DERPC: variants seen among roughly 807,000 people sequenced by gnomAD.
DERPC encodes the protein decreased expression in renal and prostate cancer protein.
A neutral mutation model predicts 7.2 loss-of-function variants in DERPC; 1 was observed. That is an observed-to-expected ratio of 0.14 (90% CI 0.05 to 0.66). The LOEUF is 0.66. DERPC is among the 30% of genes least tolerant of loss of function. The pLI is 0.84. For synonymous variants in DERPC, 185 were observed against 117.6 expected, an observed-to-expected ratio of 1.57 and a Z score of -3.71; for missense variants, 502 against 299.4, an observed-to-expected ratio of 1.68 and a Z score of -4.99.
chr16:69,123,441 G>T (rs964648453), intron 1 of DERPC, among the ~76,000 whole-genome samples: 1 of 152,118 alleles, frequency 6.6e-6, no homozygotes, highest in Non-Finnish European at 1.5e-5. Flanking sequence ...TGGGTCACTT[G>T]ATGTCAGGAG....
intron 2 of DERPC, 38 bp downstream of exon 2, chr16:69,121,398 A>G (rs2152267020): frequency 1.3e-6 from 2 of 1,580,544 alleles, no homozygotes; most frequent in East Asian, 2.2e-5. Flanking sequence ...AGCCCTCATC[A>G]TTTCAAGCCA....
chr16:69,118,719 AG>A lies in DERPC; in HGVS notation c.*134del. On this transcript the variant is annotated 3_prime_UTR_variant, in exon 3 of 3. Transcript: ENST00000519520. ...CAGTCAAGAAAAACGCAAAGGAAAAAGATGGCTCATTTGAACTTGAGCCCAA... is the reference window on the plus strand; with the variant it reads ...CAGTCAAGAAAAACGCAAAGGAAAAAATGGCTCATTTGAACTTGAGCCCAA... 1.5e-6 allele frequency: 1 copy of A among 645,714 alleles called. No homozygotes were observed. The allele number at this position is 645,714 out of a possible 1,614,324, so 40.0% of individuals were successfully genotyped here.
chr16:69,125,196 G>A (rs531720535), intron 1 of DERPC, among the ~76,000 whole-genome samples: 8 of 152,120 alleles, frequency 5.3e-5, no homozygotes, highest in South Asian at 4.2e-4. Flanking sequence ...GAGTCATTGC[G>A]CCCGGCCAAC....
chr16:69,119,621 G>C lies in DERPC; in HGVS notation c.808C>G (p.Pro270Ala), dbSNP rs199824719. 1 of 692,108 alleles carries C rather than the reference G, an allele frequency of 1.4e-6. No homozygotes were observed. The highest frequency in any genetic ancestry group is 2.7e-5 in the East Asian group (1 of 37,092). 42.9% of individuals were successfully genotyped at this position (692,108 alleles called of 1,614,324 possible). A position where few individuals can be genotyped will look rare whatever the true frequency, so the allele number is the denominator to read the frequency against. ...ATGGGGGCAAGATCGAGGCCTTGAGGTCCAGCCATTCTTAAGTTAAGACCA... is the reference window on the plus strand; with the variant it reads ...ATGGGGGCAAGATCGAGGCCTTGAGCTCCAGCCATTCTTAAGTTAAGACCA... The part of the protein sequence containing the change: ...GSGLNLRMAG[P>A]QGLDLAPILR... The change falls in exon 3 of 3, where the codon CCT becomes GCT. Residue 270 changes from proline (P) to alanine (A), a missense_variant. Transcript: ENST00000519520.
Position 69,118,616 on chromosome 16 carries a change from G to A in DERPC, c.*238C>T. On this transcript the variant is annotated 3_prime_UTR_variant, in exon 3 of 3. Coordinates refer to ENST00000519520, the MANE Select transcript of DERPC (RefSeq NM_001002847.4). ...ACGAAAGCACAGCAGGCTTCTGGGAGGCTGGAGATCCTTTCTCTCAAGGGC... is the reference window on the plus strand; with the variant it reads ...ACGAAAGCACAGCAGGCTTCTGGGAAGCTGGAGATCCTTTCTCTCAAGGGC... 1.4e-6 allele frequency: 1 copy of A among 707,262 alleles called. No individual in the cohort carries two copies. Among genetic ancestry groups the A allele is most frequent in the South Asian group, 1.5e-5 (1 of 67,566 alleles). The allele number at this position is 707,262 out of a possible 1,614,324, so 43.8% of individuals were successfully genotyped here.
At chr16:69,130,195 A>G (rs1962395521) in intron 1 of DERPC, among the ~76,000 whole-genome samples, 1 of 152,260 alleles carries the variant, frequency 6.6e-6, no homozygotes, top group Non-Finnish European at 1.5e-5. Context: ...AAAGTGTGAT[A>G]TGTATCCAAT....
In DERPC at chr16:69,119,422, C is replaced by G. The variant is rs960380567; in HGVS notation, c.1007G>C (p.Arg336Thr). The G allele has an allele frequency of 1.4e-6, 1 of 702,936 alleles. No homozygotes were observed. Among genetic ancestry groups the G allele is most frequent in the Admixed American group, 2.0e-5 (1 of 50,004 alleles). 43.5% of individuals were successfully genotyped at this position (702,936 alleles called of 1,614,324 possible). A position where few individuals can be genotyped will look rare whatever the true frequency, so the allele number is the denominator to read the frequency against. The part of the protein sequence containing the change: ...LPGPNPSPMS[R>T]APGPIGPNSA... ...ATTAGGGCCTATGGGGCCAGGAGCC[C>G]TTGACATGGGAGATGGATTTGGCCC... Residue 336 changes from arginine (R) to threonine (T), a missense_variant, in exon 3 of 3, where the codon AGG becomes ACG. Coordinates refer to ENST00000519520, the MANE Select transcript of DERPC (RefSeq NM_001002847.4).
chr16:69,132,061 C>G lies in DERPC; in HGVS notation c.-280+423G>C, dbSNP rs1165810434. The G allele has an allele frequency of 3.2e-5, 5 of 153,868 alleles. No homozygotes were observed. The Admixed American group carries it at 3.3e-4, about 10-fold the overall frequency. 9.5% of individuals were successfully genotyped at this position (153,868 alleles called of 1,614,324 possible). On this transcript the variant is annotated intron_variant, in intron 1 of 2. Coordinates refer to ENST00000519520, the MANE Select transcript of DERPC (RefSeq NM_001002847.4). Reference sequence around the variant, plus strand: ...ATAGCGGGCTGGGCTCCCTCCCAACCCCGGGAAGAGCCCCTTCCCGCACGT... The same window carrying G: ...ATAGCGGGCTGGGCTCCCTCCCAACGCCGGGAAGAGCCCCTTCCCGCACGT...
At chr16:69,130,501 T>A (rs549573230) in intron 1 of DERPC, among the ~76,000 whole-genome samples, 1 of 152,238 alleles carries the variant, frequency 6.6e-6, no homozygotes, top group African/African-American at 2.4e-5. Context: ...TTTACGAATA[T>A]AGTGAAGCAC....
chr16:69,120,109 G>A lies in DERPC; in HGVS notation c.320C>T (p.Thr107Ile). 1.4e-6 allele frequency: 1 copy of A among 700,822 alleles called. No homozygotes were observed. Among genetic ancestry groups the A allele is most frequent in the South Asian group, 1.5e-5 (1 of 67,530 alleles). The allele number at this position is 700,822 out of a possible 1,614,324, so 43.4% of individuals were successfully genotyped here. ...AGGCCTTGGGAAAGAAACTGCACCT[G>A]TGCCAGTGGGATTCATCCCTCTTGG... ...SFPRGMNPTG[T>I]GAVSFPRPGG... is the part of the protein sequence containing the mutation. The change falls in exon 3 of 3, where the codon ACA becomes ATA. Residue 107 changes from threonine to isoleucine, a missense_variant. Coordinates refer to ENST00000519520, the MANE Select transcript of DERPC (RefSeq NM_001002847.4). The surrounding 1 kb of genome is among the most constrained non-coding windows in gnomAD (Gnocchi z 4.0).
chr16:69,132,523 C>A lies in DERPC; in HGVS notation c.-319G>T, dbSNP rs1442164469. ...GCCGAGCGCGGCGCCGCGCGGCCAA[C>A]GGGCGACAACCGAACCTCCCGCCGC... is the stretch of plus-strand genomic sequence containing the variant. On this transcript the variant is annotated 5_prime_UTR_variant, in exon 1 of 3. Coordinates refer to ENST00000519520, the MANE Select transcript of DERPC (RefSeq NM_001002847.4). 3.3e-6 allele frequency: 1 copy of A among 305,438 alleles called. No homozygotes were observed. Among genetic ancestry groups the A allele is most frequent in the Non-Finnish European group, 6.3e-6 (1 of 158,046 alleles). The allele number at this position is 305,438 out of a possible 1,614,324, so 18.9% of individuals were successfully genotyped here.
In DERPC at chr16:69,119,074, G is replaced by A. The variant is rs759384794; in HGVS notation, c.1355C>T (p.Ser452Phe). Residue 452 changes from serine (S) to phenylalanine (F), a missense_variant, in exon 3 of 3, where the codon TCT (serine) becomes TTT (phenylalanine). Coordinates refer to ENST00000519520, the MANE Select transcript of DERPC (RefSeq NM_001002847.4). ...GTTGATACCCACAGGGCCAGCTGGA[G>A]AAGGGCCCAGATGCCCGGCAGCTGG... ...PRPAAGHLGP[S>F]PAGPVGINPA... 1.4e-6 allele frequency: 1 copy of A among 703,060 alleles called. No individual in the cohort carries two copies. Among genetic ancestry groups the A allele is most frequent in the Admixed American group, 2.0e-5 (1 of 50,026 alleles). 43.6% of individuals were successfully genotyped at this position (703,060 alleles called of 1,614,324 possible). A position where few individuals can be genotyped will look rare whatever the true frequency, so the allele number is the denominator to read the frequency against.
Position 69,120,914 on chromosome 16 carries a change from G to A in DERPC, c.-221-265C>T. ...CCCTGCTACTGCAGAGGTAGGGGGAGAACAAGCAGAGAGCATCGCAGATTA... is the reference window on the plus strand; with the variant it reads ...CCCTGCTACTGCAGAGGTAGGGGGAAAACAAGCAGAGAGCATCGCAGATTA... On this transcript the variant is annotated intron_variant, in intron 2 of 2. Coordinates refer to ENST00000519520, the MANE Select transcript of DERPC (RefSeq NM_001002847.4). This position sits in a 1 kb window ranked among gnomAD's most constrained non-coding sequence, Gnocchi z 4.0. 1 of 825,046 alleles carries A rather than the reference G, an allele frequency of 1.2e-6. No homozygotes were observed. The highest frequency in any genetic ancestry group is 2.2e-6 in the Non-Finnish European group (1 of 464,386). 51.1% of individuals were successfully genotyped at this position (825,046 alleles called of 1,614,324 possible). A position where few individuals can be genotyped will look rare whatever the true frequency, so the allele number is the denominator to read the frequency against.
In DERPC at chr16:69,121,671, GTT is replaced by G. The variant is rs893564251; in HGVS notation, c.-279-180_-279-179del. Among the ~76,000 whole-genome samples the G allele has an allele frequency of 8.5e-5, 12 of 141,266 alleles. No individual in the cohort carries two copies. In the South Asian group the frequency reaches 2.1e-3, roughly 24 times the overall value. 92.7% of individuals were successfully genotyped at this position (141,266 alleles called of 152,430 possible). A position where few individuals can be genotyped will look rare whatever the true frequency, so the allele number is the denominator to read the frequency against. ...TTTTTGTATTTTTAGTAGAGATGGG[GTT>G]TTTTTTTTTTTTGAGACGGAGTCTC... On this transcript the variant is annotated intron_variant, in intron 1 of 2. Coordinates refer to ENST00000519520, the MANE Select transcript of DERPC (RefSeq NM_001002847.4).
Position 69,118,154 on chromosome 16 carries a change from T to TAAAAA in DERPC, c.*699_*700insTTTTT. ...CCCCACCCTAATTCCCATATTCCCATCCACATCAGTTTAAATTTTGAGGTT... is the reference window on the plus strand; with the variant it reads ...CCCCACCCTAATTCCCATATTCCCATAAAAACCACATCAGTTTAAATTTTGAGGTT... On this transcript the variant is annotated 3_prime_UTR_variant, in exon 3 of 3. Transcript: ENST00000519520. 3.2e-6 allele frequency: 1 copy of TAAAAA among 316,304 alleles called. No homozygotes were observed. Among genetic ancestry groups the TAAAAA allele is most frequent in the Non-Finnish European group, 6.1e-6 (1 of 163,834 alleles). The allele number at this position is 316,304 out of a possible 1,614,324, so 19.6% of individuals were successfully genotyped here.
intron 1 of DERPC, among the ~76,000 whole-genome samples, chr16:69,126,974 C>T (rs143071318): frequency 0.023 from 3,508 of 152,134 alleles, 138 homozygotes; most frequent in African/African-American, 0.079. Flanking sequence ...AGGCCGGGCG[C>T]GGTGGCTCAT....
intron 1 of DERPC, among the ~76,000 whole-genome samples, chr16:69,128,195 GAACCACAGCGCCCGGCT>G (rs1449456136): frequency 6.6e-6 from 1 of 152,226 alleles, no homozygotes; most frequent in African/African-American, 2.4e-5. Flanking sequence ...TTACAGGCGT[GAACCACAGCGCCCGGCT>G]AACTATCTCT....
In DERPC at chr16:69,118,448, T is replaced by C; in HGVS notation, c.*406A>G. ...ATGGTCCGTTCACCAACGCCACGTT[T>C]CTAGAGAGCAGTGAGCTGATTCTCC... is the stretch of plus-strand genomic sequence containing the variant. On this transcript the variant is annotated 3_prime_UTR_variant, in exon 3 of 3. Coordinates refer to ENST00000519520, the MANE Select transcript of DERPC (RefSeq NM_001002847.4). 1 of 1,607,416 alleles carries C rather than the reference T, an allele frequency of 6.2e-7. No individual in the cohort carries two copies. Among genetic ancestry groups the C allele is most frequent in the Non-Finnish European group, 8.5e-7 (1 of 1,173,980 alleles).
chr16:69,121,190 G>A (rs772574013), intron 2 of DERPC: 6 of 1,602,190 alleles, frequency 3.7e-6, no homozygotes, highest in East Asian at 2.2e-5. Flanking sequence ...AAGGGCTGGC[G>A]GTTACAATAT....
Sources: gnomAD v4.1 joint callset for allele counts (sites outside exome capture counted in the v4.1 genomes callset) on GRCh38, gnomAD v4.1.1 for gene constraint, Gnocchi (gnomAD v3.1) non-coding constraint, MANE v1.5 for transcripts, NCBI Gene and HGNC (gene_info 2026-07-23, HGNC 2026-07-21) for gene names.